SLC38A8: variants seen among roughly 807,000 people sequenced by gnomAD.
SLC38A8 encodes amino acid transporter SLC38A8.
In SLC38A8, 65 loss-of-function variants were observed where a neutral mutation model predicts 46.0. That is an observed-to-expected ratio of 1.41 (90% confidence interval 1.16 to 1.74). The LOEUF is 1.74. Among genes scored for constraint, SLC38A8 ranks in the 40% most tolerant of loss-of-function variants. The probability of loss-of-function intolerance (pLI) is 0.00; values close to 1 mark genes in which losing one functional copy is unlikely to be tolerated. For missense variants in SLC38A8, 998 were observed against 567.9 expected (o/e 1.76, Z -7.70); for synonymous variants, 447 against 243.7 (o/e 1.83, Z -7.77).
intron 7 of SLC38A8, among the ~76,000 whole-genome samples, 170 bp from the exon 8 acceptor site, chr16:84,017,457 A>C (rs796840864): frequency 6.6e-5 from 10 of 152,318 alleles, no homozygotes; most frequent in African/African-American, 2.4e-4. Flanking sequence ...CCTACACATG[A>C]CTGTGCTCCA....
intron 9 of SLC38A8, 21 bp from the exon 10 acceptor site, chr16:84,013,073 C>A (rs745941398): frequency 6.2e-7 from 1 of 1,613,866 alleles, no homozygotes; most frequent in Non-Finnish European, 8.5e-7. Context: ...GACAGGGTCA[C>A]CCACAGTTCT....
chr16:84,026,593 G>A (rs548449924), intron 6 of SLC38A8, among the ~76,000 whole-genome samples: 1 of 152,204 alleles, frequency 6.6e-6, no homozygotes, highest in East Asian at 1.9e-4. Flanking sequence ...GGAGGTGGTG[G>A]CAGTGGGCAG....
At chr16:84,033,235 T>C in intron 4 of SLC38A8, 93 bp downstream of exon 4, 2 of 1,548,682 alleles carry the variant, frequency 1.3e-6, no homozygotes. Context: ...TGAAGGCCAA[T>C]TCCCCAGCTC....
Position 84,016,901 on chromosome 16 carries a change from G to A in SLC38A8, c.954-174C>T, listed in dbSNP as rs139090000. 8.7e-4 allele frequency: 859 copies of A among 984,474 alleles called. 7 individuals are homozygous for A. The African/African-American group carries it at 0.01, about 12-fold the overall frequency. 61.0% of individuals were successfully genotyped at this position (984,474 alleles called of 1,614,324 possible). ...AACCCTCAGGGGTTCTGCCACCATCGGGCAGCCCATGGGGCAGGGGATGAA... is the reference window on the plus strand; with the variant it reads ...AACCCTCAGGGGTTCTGCCACCATCAGGCAGCCCATGGGGCAGGGGATGAA... On this transcript the variant is annotated intron_variant, in intron 8 of 10. Coordinates refer to ENST00000299709, the MANE Select transcript of SLC38A8 (RefSeq NM_001080442.3).
At chr16:84,013,697 G>A (rs1030787970) in intron 9 of SLC38A8, among the ~76,000 whole-genome samples, 2 of 151,228 alleles carry the variant, frequency 1.3e-5, no homozygotes, top group South Asian at 2.1e-4. Context: ...CCAAAGTGCT[G>A]GGATTACAGG....
rs1292989737 is a variant in SLC38A8, at chr16:84,022,791, G to A, written c.789C>T (p.Leu263=). The A allele has an allele frequency of 3.1e-6, 5 of 1,613,976 alleles. No homozygotes were observed. The highest frequency in any genetic ancestry group is 3.4e-6 in the Non-Finnish European group (4 of 1,180,000). Residue 263 remains leucine (L), a synonymous_variant, in exon 7 of 11, where the codon CTC becomes CTT. Coordinates refer to ENST00000299709, the MANE Select transcript of SLC38A8 (RefSeq NM_001080442.3). ...GGGCCTTACCCGTCAGTGAATAGAT[G>A]AGGCAGCAGGCCAGCAAGGACAGCA... ...VSVLSLLACC[L]IYSLTGVYGF...
intron 3 of SLC38A8, among the ~76,000 whole-genome samples, chr16:84,036,297 G>A (rs948573025): frequency 6.6e-5 from 10 of 152,244 alleles, no homozygotes; most frequent in African/African-American, 2.4e-4. Context: ...TGCAGCTAAA[G>A]CAGTGCTTAG....
chr16:84,033,165 T>A (rs2085264432), intron 4 of SLC38A8, among the ~76,000 whole-genome samples, 163 bp downstream of exon 4: 1 of 152,250 alleles, frequency 6.6e-6, no homozygotes, highest in African/African-American at 2.4e-5. Flanking sequence ...CATCTATGTT[T>A]TGCATCATGC....
chr16:84,028,923 C>T (rs929590478), intron 6 of SLC38A8, among the ~76,000 whole-genome samples: 2 of 152,144 alleles, frequency 1.3e-5, no homozygotes, highest in Non-Finnish European at 2.9e-5. Context: ...GCCCCTCTGC[C>T]AGGATTCTAC....
chr16:84,031,726 A>G (rs1431227092), intron 5 of SLC38A8, 141 bp downstream of exon 5: 3 of 713,128 alleles, frequency 4.2e-6, no homozygotes, highest in Admixed American at 2.6e-5. Flanking sequence ...CCTTCACCGC[A>G]TCAGAGACGG....
At chr16:84,025,216 T>G (rs1057433292) in intron 6 of SLC38A8, among the ~76,000 whole-genome samples, 16 of 152,134 alleles carry the variant, frequency 1.1e-4, no homozygotes, top group African/African-American at 3.9e-4. Context: ...TGGGGCTGGT[T>G]CCCACCATCA....
At chr16:84,013,147 G>A in intron 9 of SLC38A8, 95 bp from the exon 10 acceptor site, 1 of 1,433,396 alleles carries the variant, frequency 7.0e-7, no homozygotes, top group Non-Finnish European at 9.7e-7. Flanking sequence ...CAGGAGGCCA[G>A]CAAGGCCTCC....
intron 3 of SLC38A8, among the ~76,000 whole-genome samples, chr16:84,035,958 C>T (rs2085295429): frequency 6.6e-6 from 1 of 152,214 alleles, no homozygotes; most frequent in African/African-American, 2.4e-5. Context: ...ACATTGCCAG[C>T]ACACTGTACC....
chr16:84,024,859 T>C (rs943326660), intron 6 of SLC38A8, among the ~76,000 whole-genome samples: 3 of 152,122 alleles, frequency 2.0e-5, no homozygotes, highest in Admixed American at 6.5e-5. Context: ...TTTTATATTT[T>C]TGGTAGAGAC....
At chr16:84,033,797 G>A (rs554890244) in intron 3 of SLC38A8, among the ~76,000 whole-genome samples, 4 of 152,138 alleles carry the variant, frequency 2.6e-5, no homozygotes, top group Non-Finnish European at 4.4e-5. Context: ...GGTTTCGTTC[G>A]GGAACTCAAT....
Position 84,036,792 on chromosome 16 carries a change from T to A in SLC38A8, c.298A>T (p.Ile100Phe). Residue 100 changes from isoleucine to phenylalanine, a missense_variant, in exon 3 of 11, where the codon ATT becomes TTT. Coordinates refer to ENST00000299709, the MANE Select transcript of SLC38A8 (RefSeq NM_001080442.3). ...GVVRGLCGPA[I>F]GKLCEACFLL... ...AAGCAGGCCTCACACAGCTTCCCAA[T>A]GGCAGGGCCACACAGCCCCCTGACC... 1.9e-6 allele frequency: 3 copies of A among 1,614,142 alleles called. No individual in the cohort carries two copies. The East Asian group carries it at 6.7e-5, about 36-fold the overall frequency.
At chr16:84,015,648 T>G (rs1381919839) in intron 9 of SLC38A8, among the ~76,000 whole-genome samples, 1 of 152,024 alleles carries the variant, frequency 6.6e-6, no homozygotes, top group African/African-American at 2.4e-5. Flanking sequence ...AGAATGTCCA[T>G]CAGGAGCTGT....
chr16:84,031,232 G>A (rs973124644), intron 5 of SLC38A8, among the ~76,000 whole-genome samples: 5 of 151,964 alleles, frequency 3.3e-5, no homozygotes, highest in African/African-American at 1.2e-4. Context: ...GTAGAGACAG[G>A]GTTTCACCAT....
intron 7 of SLC38A8, among the ~76,000 whole-genome samples, chr16:84,020,730 G>C (rs868013134): frequency 6.6e-6 from 1 of 152,194 alleles, no homozygotes; most frequent in Non-Finnish European, 1.5e-5. Context: ...AGGCCTCTGA[G>C]CCTGTGATGG....
Sources: gnomAD v4.1 joint callset for allele counts (sites outside exome capture counted in the v4.1 genomes callset) on GRCh38, gnomAD v4.1.1 for gene constraint, MANE v1.5 for transcripts, NCBI Gene and HGNC (gene_info 2026-07-23, HGNC 2026-07-21) for gene names.